DLC1: variants seen among roughly 807,000 people sequenced by gnomAD.
The protein encoded by DLC1 is rho GTPase-activating protein 7.
A neutral mutation model predicts 140.3 loss-of-function variants in DLC1; 54 were observed. The observed-to-expected ratio is 0.38, with a 90% CI of 0.31 to 0.48. The LOEUF is 0.48. Among genes scored for constraint, DLC1 ranks in the 20% least tolerant of loss-of-function variants. The probability of loss-of-function intolerance (pLI) is 0.96; values close to 1 mark genes in which losing one functional copy is unlikely to be tolerated. For missense variants in DLC1, 2,536 were observed against 1,907.0 expected (o/e 1.33, Z -6.14); for synonymous variants, 986 against 728.1 (o/e 1.35, Z -5.70).
intron 4 of DLC1, among the ~76,000 whole-genome samples, chr8:13,329,768 C>A (rs1833509345): frequency 6.6e-6 from 1 of 152,126 alleles, no homozygotes; most frequent in Admixed American, 6.5e-5. Flanking sequence ...CTCTTAGGAT[C>A]CTTAAGAACA....
intron 5 of DLC1, among the ~76,000 whole-genome samples, chr8:13,183,257 G>A (rs1377684445): frequency 1.3e-5 from 2 of 152,180 alleles, no homozygotes; most frequent in Non-Finnish European, 2.9e-5. Flanking sequence ...CATGTCATCT[G>A]CAAACAGGGA....
At chr8:13,288,065 TCA>T (rs1437940380) in intron 5 of DLC1, among the ~76,000 whole-genome samples, 1 of 152,148 alleles carries the variant, frequency 6.6e-6, no homozygotes, top group Non-Finnish European at 1.5e-5. Flanking sequence ...AAATCAGAGC[TCA>T]GTTTTTAGAA....
At chr8:13,451,281 A>G (rs1799045219) in intron 2 of DLC1, among the ~76,000 whole-genome samples, 1 of 152,002 alleles carries the variant, frequency 6.6e-6, no homozygotes, top group Non-Finnish European at 1.5e-5. Flanking sequence ...GGTACATGAG[A>G]TATTTTGGTA....
At chr8:13,375,738 T>C (rs56276029) in intron 4 of DLC1, among the ~76,000 whole-genome samples, 1 of 55,180 alleles carries the variant, frequency 1.8e-5, no homozygotes, top group East Asian at 2.9e-3. Context: ...TATTTTTATT[T>C]TTTTGCTGTG....
intron 4 of DLC1, among the ~76,000 whole-genome samples, chr8:13,321,833 G>A (rs1833138320): frequency 6.6e-6 from 1 of 152,096 alleles, no homozygotes. Flanking sequence ...AATTGACATA[G>A]GCCAGATGAG....
chr8:13,143,850 G>GAGAGAGAGAGACAT (rs1395072506), intron 5 of DLC1, among the ~76,000 whole-genome samples: 102 of 147,840 alleles, frequency 6.9e-4, no homozygotes, highest in Admixed American at 1.3e-3. Context: ...GAGAGAGAGA[G>GAGAGAGAGAGACAT]AGACATAGAC....
intron 5 of DLC1, among the ~76,000 whole-genome samples, chr8:13,153,146 A>G (rs1823962250): frequency 6.6e-6 from 1 of 152,136 alleles, no homozygotes; most frequent in South Asian, 2.1e-4. Context: ...AGTGTTACAG[A>G]TCTTAAAGAT....
intron 5 of DLC1, among the ~76,000 whole-genome samples, chr8:13,253,841 A>G (rs1053247537): frequency 1.6e-4 from 24 of 152,182 alleles, no homozygotes; most frequent in African/African-American, 5.5e-4. Flanking sequence ...GAGTCTGGGG[A>G]AAAAAACTCA....
chr8:13,326,044 AT>A (rs1011482739), intron 4 of DLC1, among the ~76,000 whole-genome samples: 14 of 148,744 alleles, frequency 9.4e-5, no homozygotes, highest in Non-Finnish European at 1.3e-4. Context: ...TATAAAAAAA[AT>A]AAATAAATAA....
chr8:13,337,723 C>T (rs1481256141), intron 4 of DLC1, among the ~76,000 whole-genome samples: 2 of 152,074 alleles, frequency 1.3e-5, no homozygotes, highest in Non-Finnish European at 2.9e-5. Context: ...CTTTCCCATC[C>T]GTTTTGGTAC....
intron 1 of DLC1, among the ~76,000 whole-genome samples, chr8:13,595,479 C>T (rs1047671315): frequency 3.3e-5 from 5 of 151,702 alleles, no homozygotes; most frequent in African/African-American, 7.3e-5. Flanking sequence ...TGACAATGTG[C>T]CCCACATGTG....
chr8:13,137,235 A>G (rs764158129), intron 5 of DLC1, among the ~76,000 whole-genome samples: 2 of 152,020 alleles, frequency 1.3e-5, no homozygotes, highest in African/African-American at 2.4e-5. Flanking sequence ...TTAACCTTCA[A>G]CTCATCACTC....
At chr8:13,147,243 C>G (rs1823503113) in intron 5 of DLC1, among the ~76,000 whole-genome samples, 1 of 152,170 alleles carries the variant, frequency 6.6e-6, no homozygotes, top group Admixed American at 6.5e-5. Flanking sequence ...TCACCCAAAA[C>G]TCTGACCTAA....
chr8:13,304,038 T>C (rs1832315445), intron 5 of DLC1, among the ~76,000 whole-genome samples: 1 of 152,164 alleles, frequency 6.6e-6, no homozygotes, highest in African/African-American at 2.4e-5. Flanking sequence ...CATTCTGGAA[T>C]AGGATGACAA....
intron 5 of DLC1, chr8:13,133,401 C>G (rs1046228406): frequency 1.3e-6 from 1 of 758,688 alleles, no homozygotes; most frequent in African/African-American, 1.9e-5. Flanking sequence ...CAGGCCTTAG[C>G]GACGGGCTGT....
At position 13,569,869 on chromosome 8, in the gene DLC1, G is replaced by A. The variant is rs925222253; in HGVS notation, c.-126+34668C>T. 4.6e-5 allele frequency among the ~76,000 whole-genome samples: 7 copies of A among 152,222 alleles called. No homozygotes were observed. In the South Asian group the frequency reaches 6.2e-4, roughly 14 times the overall value. On this transcript the variant is annotated intron_variant, in intron 1 of 1. Coordinates refer to the DLC1 transcript ENST00000631382. ...CCCCAGCAGCTGGGACTACAGGTGC[G>A]TGCCGCCACGCCTGGCTAAATTTCT...
At chr8:13,439,076 C>G (rs1208742408) in intron 2 of DLC1, among the ~76,000 whole-genome samples, 1 of 151,976 alleles carries the variant, frequency 6.6e-6, no homozygotes, top group African/African-American at 2.4e-5. Flanking sequence ...CCTGTAATCC[C>G]AACACTTTGG....
At position 13,439,323 on chromosome 8, in the gene DLC1, C is replaced by CA. The variant is rs1288480075; in HGVS notation, c.1024-37705dup. Among the ~76,000 whole-genome samples, 9 of 151,568 alleles carry CA rather than the reference C, an allele frequency of 5.9e-5. No homozygotes were observed. The South Asian group carries it at 1.9e-3, about 32-fold the overall frequency. ...TGGGCGACAGAGTGAGAGTCCATGT[C>CA]AAAAAAACAAAAAGAAAAACAAAAA... On this transcript the variant is annotated intron_variant, in intron 2 of 17. Coordinates refer to ENST00000276297, the MANE Select transcript of DLC1 (RefSeq NM_182643.3).
At chr8:13,526,673 C>A (rs1405320263) in intron 1 of DLC1, among the ~76,000 whole-genome samples, 1 of 151,792 alleles carries the variant, frequency 6.6e-6, no homozygotes, top group Non-Finnish European at 1.5e-5. Context: ...ATCGCAAGGA[C>A]AGAAAGCCAA....
Sources: allele counts gnomAD v4.1 joint callset (sites outside exome capture counted in the v4.1 genomes callset), GRCh38; gene constraint gnomAD v4.1.1; transcripts MANE v1.5; gene names NCBI Gene and HGNC (gene_info 2026-07-23, HGNC 2026-07-21).